The following SH3D19 variants were observed in gnomAD, a reference collection of about 807,000 sequenced individuals.
SH3D19 encodes SH3 domain-containing protein 19.
In SH3D19, 58 loss-of-function variants were observed where a neutral mutation model predicts 112.1. The ratio of observed to expected loss-of-function variants is 0.52; its 90% confidence interval spans 0.42 to 0.64. The LOEUF is 0.64. Among genes scored for constraint, SH3D19 ranks in the 30% least tolerant of loss-of-function variants. The probability of loss-of-function intolerance (pLI) is 0.00; values close to 1 mark genes in which losing one functional copy is unlikely to be tolerated. For missense variants in SH3D19, 1,090 were observed against 1,263.4 expected (o/e 0.86, Z 2.08); for synonymous variants, 391 against 448.5 (o/e 0.87, Z 1.62).
chr4:151,124,310 T>G (rs1375044074), intron 19 of SH3D19, among the ~76,000 whole-genome samples: 2 of 152,054 alleles, frequency 1.3e-5, no homozygotes, highest in Admixed American at 1.3e-4. Flanking sequence ...TTTCTCCATG[T>G]TGGTCAGGCT....
At chr4:151,310,321 C>T (rs1729326012) in intron 1 of SH3D19, among the ~76,000 whole-genome samples, 1 of 151,838 alleles carries the variant, frequency 6.6e-6, no homozygotes. Context: ...CTGCAGTGAG[C>T]TATGATCACA....
At chr4:151,228,241 A>C (rs1580276788) in intron 1 of SH3D19, among the ~76,000 whole-genome samples, 1 of 152,334 alleles carries the variant, frequency 6.6e-6, no homozygotes, top group South Asian at 2.1e-4. Context: ...ATTCCTGTGT[A>C]AATATAGATA....
At chr4:151,245,897 C>T (rs1336080511) in intron 1 of SH3D19, among the ~76,000 whole-genome samples, 3 of 152,208 alleles carry the variant, frequency 2.0e-5, no homozygotes, top group Admixed American at 1.3e-4. Flanking sequence ...CCACCACTCC[C>T]GGCCTGGGTT....
intron 2 of SH3D19, among the ~76,000 whole-genome samples, chr4:151,191,929 G>C (rs1762709774): frequency 2.2e-5 from 3 of 137,764 alleles, no homozygotes; most frequent in African/African-American, 8.2e-5. Flanking sequence ...ACAGGCGTGA[G>C]CCACCACACC....
At chr4:151,254,317 A>ATTTT (rs1365669130) in intron 1 of SH3D19, among the ~76,000 whole-genome samples, 3 of 150,704 alleles carry the variant, frequency 2.0e-5, no homozygotes, top group South Asian at 2.1e-4. Context: ...TTATTTATTT[A>ATTTT]TTTTTTAAAT....
chr4:151,215,243 C>T (rs1766878882), intron 2 of SH3D19, among the ~76,000 whole-genome samples: 3 of 152,280 alleles, frequency 2.0e-5, no homozygotes, highest in Admixed American at 6.5e-5. Flanking sequence ...TTCTGAAGAC[C>T]GTACTTCAGT....
chr4:151,260,235 C>T (rs1279560023), intron 1 of SH3D19, among the ~76,000 whole-genome samples: 2 of 152,180 alleles, frequency 1.3e-5, no homozygotes, highest in Non-Finnish European at 2.9e-5. Context: ...CACCCTCTTC[C>T]ATTTCCCTTG....
intron 7 of SH3D19, among the ~76,000 whole-genome samples, chr4:151,166,506 T>TA (rs1309940711): frequency 6.6e-6 from 1 of 151,596 alleles, no homozygotes; most frequent in Non-Finnish European, 1.5e-5. Context: ...TTTTTTTTTT[T>TA]AATGGGAAAT....
intron 1 of SH3D19, among the ~76,000 whole-genome samples, chr4:151,303,307 C>T (rs1022847387): frequency 1.4e-4 from 22 of 152,152 alleles, no homozygotes; most frequent in African/African-American, 4.8e-4. Flanking sequence ...CACAATTATA[C>T]ACTCCTTCCA....
At chr4:151,241,087 C>T (rs1770512774) in intron 1 of SH3D19, among the ~76,000 whole-genome samples, 1 of 150,924 alleles carries the variant, frequency 6.6e-6, no homozygotes, top group Non-Finnish European at 1.5e-5. Flanking sequence ...GAGTTTGAGA[C>T]CAGCCTGGGT....
chr4:151,260,218 C>T (rs1465494665), intron 1 of SH3D19, among the ~76,000 whole-genome samples: 1 of 152,172 alleles, frequency 6.6e-6, no homozygotes, highest in African/African-American at 2.4e-5. Context: ...AGTAATTTCT[C>T]ATTATCCACC....
At chr4:151,189,720 CA>C (rs1241482705) in intron 2 of SH3D19, among the ~76,000 whole-genome samples, 3 of 152,050 alleles carry the variant, frequency 2.0e-5, no homozygotes, top group Non-Finnish European at 4.4e-5. Context: ...ACTGTGAGTC[CA>C]AAAAGAAAGT....
chr4:151,198,756 AC>A (rs1763955955), intron 2 of SH3D19, among the ~76,000 whole-genome samples: 1 of 152,170 alleles, frequency 6.6e-6, no homozygotes, highest in Admixed American at 6.6e-5. Context: ...AATTAAAAAA[AC>A]ATTTTAAACA....
Position 151,235,625 on chromosome 4 carries a change from A to T in SH3D19, c.113-9539T>A, listed in dbSNP as rs1769978126. Among the ~76,000 whole-genome samples the T allele has an allele frequency of 2.0e-5, 3 of 152,110 alleles. No individual in the cohort carries two copies. The South Asian group carries it at 6.2e-4, about 32-fold the overall frequency. On this transcript the variant is annotated intron_variant, in intron 1 of 19. Transcript: ENST00000604030. Reference sequence around the variant, plus strand: ...ACATGGTGAAAACCTGTCTGTACTAAAAATACAAAAATTAGCTGGGTGTGG... The same window carrying T: ...ACATGGTGAAAACCTGTCTGTACTATAAATACAAAAATTAGCTGGGTGTGG...
At position 151,174,697 on chromosome 4, in the gene SH3D19, C is replaced by G. The variant is rs779230622; in HGVS notation, c.1507G>C (p.Glu503Gln). ...AGAACCATCTCTGAACCAACAGATT[C>G]TTCAGCCAGGTTCCCCGATGGGGTG... ...LPTPSGNLAE[E>Q]SVGSEMVLDP... Residue 503 changes from glutamate to glutamine, a missense_variant, in exon 7 of 20, where the codon GAA becomes CAA. Glu to Gln is a conservative substitution (Grantham distance 29). Coordinates refer to ENST00000604030, the MANE Select transcript of SH3D19 (RefSeq NM_001378122.1). 1 of 1,514,410 alleles carries G rather than the reference C, an allele frequency of 6.6e-7. No individual in the cohort carries two copies. 93.8% of individuals were successfully genotyped at this position (1,514,410 alleles called of 1,614,324 possible).
At chr4:151,315,759 C>T (rs1364550371) in intron 1 of SH3D19, among the ~76,000 whole-genome samples, 1 of 151,914 alleles carries the variant, frequency 6.6e-6, no homozygotes, top group Non-Finnish European at 1.5e-5. Flanking sequence ...TGAGTACAGC[C>T]TGAACAACAC....
In SH3D19 at chr4:151,175,818, GT is replaced by G. The variant is rs561761983; in HGVS notation, c.530-145del. ...TTTGGTTTCTTTTAATTAGTAAAAA[GT>G]GATTCAAAAATGGAAATGTTTATTC... On this transcript the variant is annotated intron_variant, in intron 6 of 19. Coordinates refer to ENST00000604030, the MANE Select transcript of SH3D19 (RefSeq NM_001378122.1). 6.0e-4 allele frequency: 426 copies of G among 709,346 alleles called. 2 individuals are homozygous for G. The African/African-American group carries it at 7.5e-3, about 13-fold the overall frequency. 43.9% of individuals were successfully genotyped at this position (709,346 alleles called of 1,614,324 possible). A position where few individuals can be genotyped will look rare whatever the true frequency, so the allele number is the denominator to read the frequency against.
intron 9 of SH3D19, among the ~76,000 whole-genome samples, chr4:151,156,034 T>C (rs1756045495): frequency 6.6e-6 from 1 of 152,022 alleles, no homozygotes; most frequent in Admixed American, 6.6e-5. Flanking sequence ...GACAAAGAAC[T>C]AGCTAAAAAA....
intron 1 of SH3D19, chr4:151,226,518 TACA>T (rs1459229219): frequency 2.0e-6 from 2 of 976,122 alleles, no homozygotes; most frequent in Admixed American, 6.1e-5. Context: ...AGCAGTCAGC[TACA>T]ACATCTGCAA....
Sources: gnomAD v4.1 joint callset for allele counts (sites outside exome capture counted in the v4.1 genomes callset) on GRCh38, gnomAD v4.1.1 for gene constraint, MANE v1.5 for transcripts, NCBI Gene and HGNC (gene_info 2026-07-23, HGNC 2026-07-21) for gene names.